Variants in EIF2B5 observed in about 807,000 individuals in gnomAD.
The protein encoded by EIF2B5 is eukaryotic translation initiation factor 2B subunit epsilon.
Under a neutral mutation model 87.3 loss-of-function variants are expected in EIF2B5, and 38 were observed. That is an observed-to-expected ratio of 0.44 (90% CI 0.34 to 0.57). The LOEUF (loss-of-function observed/expected upper bound fraction) is 0.57, where lower values mean the gene tolerates loss of function less well. Ranked by LOEUF, EIF2B5 falls within the 20% of genes least tolerant of loss-of-function variation. EIF2B5 has a pLI of 0.02. For synonymous variants in EIF2B5, 313 were observed against 339.6 expected, an observed-to-expected ratio of 0.92 and a Z score of 0.86; for missense variants, 784 against 909.5, an observed-to-expected ratio of 0.86 and a Z score of 1.78.
At chr3:184,139,724 GTACT>G (rs941496847) in intron 5 of EIF2B5, among the ~76,000 whole-genome samples, 15 of 151,168 alleles carry the variant, frequency 9.9e-5, no homozygotes, top group African/African-American at 3.4e-4. Flanking sequence ...CTAGAGAATA[GTACT>G]TAATCCTGGC....
At chr3:184,143,379 T>C in intron 12 of EIF2B5, 63 bp from the exon 13 acceptor site, 1 of 1,613,540 alleles carries the variant, frequency 6.2e-7, no homozygotes, top group Non-Finnish European at 8.5e-7. Context: ...TCTATCAAAG[T>C]CATAGTTCTA....
At chr3:184,136,763 T>A (rs371931237) in intron 2 of EIF2B5, 27 bp downstream of exon 2, 2 of 1,614,136 alleles carry the variant, frequency 1.2e-6, no homozygotes, top group Non-Finnish European at 8.5e-7. Context: ...TTTCTTTCCA[T>A]GTTTCGCCAT....
Position 184,144,953 on chromosome 3 carries a change from G to T in EIF2B5, c.*10G>T. On this transcript the variant is annotated 3_prime_UTR_variant, in exon 16 of 16. Transcript: ENST00000648915. ...ATCTGAAGATGACTGAAGTCACACTGCCTGCTCCTTTGGGTGTGATTGAGT... is the reference window on the plus strand; with the variant it reads ...ATCTGAAGATGACTGAAGTCACACTTCCTGCTCCTTTGGGTGTGATTGAGT... 1 of 1,613,032 alleles carries T rather than the reference G, an allele frequency of 6.2e-7. No homozygotes were observed. Among genetic ancestry groups the T allele is most frequent in the Non-Finnish European group, 8.5e-7 (1 of 1,179,760 alleles).
rs574848520 is a variant in EIF2B5, at chr3:184,143,154, C to G, written c.1745+12C>G. The G allele has an allele frequency of 6.8e-6, 11 of 1,611,662 alleles. No individual in the cohort carries two copies. The highest frequency in any genetic ancestry group is 4.0e-5 in the African/African-American group (3 of 75,014). ...ATCAACTCTCTCAAGTAAGAGCAGCCCCTCCCTGTTCTCCTCGGGGTGATC... is the reference window on the plus strand; with the variant it reads ...ATCAACTCTCTCAAGTAAGAGCAGCGCCTCCCTGTTCTCCTCGGGGTGATC... On this transcript the variant is annotated intron_variant, in intron 12 of 15. Coordinates refer to ENST00000648915, the MANE Select transcript of EIF2B5 (RefSeq NM_003907.3).
intron 1 of EIF2B5, 90 bp downstream of exon 1, chr3:184,135,670 C>G (rs1713318197): frequency 2.0e-6 from 3 of 1,485,692 alleles, no homozygotes; most frequent in Non-Finnish European, 2.8e-6. Flanking sequence ...ACAGCATGCC[C>G]TTGAAGGACC....
At position 184,138,181 on chromosome 3, in the gene EIF2B5, A is replaced by G. The variant is rs760749378; in HGVS notation, c.700A>G (p.Ser234Gly). ...FAFPLSLFQGSSDGVEVRYDL... is the reference protein window; with the variant it reads ...FAFPLSLFQGGSDGVEVRYDL... ...CTCCCCACAGAGCCTGTTTCAGGGC[A>G]GTAGTGATGGAGTGGAGGTTCGATA... The change falls in exon 5 of 16, where the codon AGT (serine) becomes GGT (glycine). Residue 234 changes from serine to glycine, a missense_variant. Physicochemically the swap from Ser to Gly is moderately conservative, Grantham distance 56. Around this residue, in one of 3 missense-constraint regions of EIF2B5, gnomAD observed 660 missense variants for 789.5 expected, o/e 0.84. Coordinates refer to ENST00000648915, the MANE Select transcript of EIF2B5 (RefSeq NM_003907.3). 2.7e-5 allele frequency: 43 copies of G among 1,614,036 alleles called. No individual in the cohort carries two copies. The highest frequency in any genetic ancestry group is 8.5e-7 in the Non-Finnish European group (1 of 1,180,042).
In EIF2B5 at chr3:184,141,935, G is replaced by A. The variant is rs112278360; in HGVS notation, c.1167G>A (p.Val389=). ...CCCATCCTGAGCCAGGTGATAACGT[G>A]GTGCTGGACCAGACCTACCTGTGGC... ...IGPGCHIGDN[V]VLDQTYLWQG... Residue 389 remains valine (V), a synonymous_variant, in exon 8 of 16, where the codon GTG becomes GTA. Transcript: ENST00000648915. 173 of 1,614,066 alleles carry A rather than the reference G, an allele frequency of 1.1e-4. 1 individual carries two copies. The African/African-American group carries it at 2.1e-3, about 19-fold the overall frequency.
intron 6 of EIF2B5, 77 bp downstream of exon 6, chr3:184,140,234 CT>C: frequency 6.6e-7 from 1 of 1,509,868 alleles, no homozygotes; most frequent in Non-Finnish European, 9.2e-7. Context: ...AACTTTTGAT[CT>C]TTTTTGTATT....
At position 184,143,464 on chromosome 3, in the gene EIF2B5, AAGG is replaced by A. The variant is rs1281312572; in HGVS notation, c.1772_1774del (p.Glu591del). On this transcript the variant is annotated inframe_deletion, in exon 13 of 16. Coordinates refer to ENST00000648915, the MANE Select transcript of EIF2B5 (RefSeq NM_003907.3). Reference sequence around the variant, plus strand: ...CAGGTATGCCTATAACATAAGTCTAAAGGAGGTGATGCAGGTACTGAGCCACGT... The same window carrying A: ...CAGGTATGCCTATAACATAAGTCTAAAGGTGATGCAGGTACTGAGCCACGT... The A allele has an allele frequency of 2.5e-6, 4 of 1,614,108 alleles. No individual in the cohort carries two copies. Among genetic ancestry groups the A allele is most frequent in the Non-Finnish European group, 2.5e-6 (3 of 1,180,008 alleles).
At chr3:184,144,453 ACCTGC>A in intron 14 of EIF2B5, 139 bp from the exon 15 acceptor site, 1 of 1,037,846 alleles carries the variant, frequency 9.6e-7, no homozygotes, top group Non-Finnish European at 1.5e-6. Context: ...CAGAAGTTAG[ACCTGC>A]CCCAGGAGCA....
At position 184,145,021 on chromosome 3, in the gene EIF2B5, C is replaced by A; in HGVS notation, c.*78C>A. ...GCTGGGACAAGTGAGGAACTAGCTGCAGAGGGATGAGTGACCACCATCCAG... is the reference window on the plus strand; with the variant it reads ...GCTGGGACAAGTGAGGAACTAGCTGAAGAGGGATGAGTGACCACCATCCAG... On this transcript the variant is annotated 3_prime_UTR_variant, in exon 16 of 16. Coordinates refer to ENST00000648915, the MANE Select transcript of EIF2B5 (RefSeq NM_003907.3). This position sits in a 1 kb window ranked among gnomAD's most constrained non-coding sequence, Gnocchi z 4.0. The A allele has an allele frequency of 2.2e-6, 3 of 1,351,534 alleles. No homozygotes were observed. The highest frequency in any genetic ancestry group is 1.4e-5 in the African/African-American group (1 of 70,122). The allele number at this position is 1,351,534 out of a possible 1,614,324, so 83.7% of individuals were successfully genotyped here.
rs1196978595 is a variant in EIF2B5 at position 184,139,270 on chromosome 3, A to ATTTTT, written c.766-786_766-782dup. On this transcript the variant is annotated intron_variant, in intron 5 of 15. Coordinates refer to ENST00000648915, the MANE Select transcript of EIF2B5 (RefSeq NM_003907.3). ...ACAGGTGTGAGCCTCTGCACCCAGC[A>ATTTTT]TTTTTTTTTTTTTTTTTTTTTTTTT... 4.2e-4 allele frequency among the ~76,000 whole-genome samples: 20 copies of ATTTTT among 48,020 alleles called. 1 individual carries two copies. Among genetic ancestry groups the ATTTTT allele is most frequent in the East Asian group, 3.4e-3 (4 of 1,194 alleles). 31.5% of individuals were successfully genotyped at this position (48,020 alleles called of 152,430 possible).
intron 7 of EIF2B5, among the ~76,000 whole-genome samples, chr3:184,141,461 C>T (rs997459514): frequency 1.3e-5 from 2 of 151,994 alleles, no homozygotes; most frequent in Non-Finnish European, 2.9e-5. Flanking sequence ...CTCAGCTATT[C>T]GGGAGGCTGA....
chr3:184,143,715 G>C (rs1713742124), intron 13 of EIF2B5, 150 bp downstream of exon 13: 21 of 1,172,888 alleles, frequency 1.8e-5, no homozygotes, highest in Non-Finnish European at 2.4e-5. Flanking sequence ...GCCTTGGCTG[G>C]TTCAGAGGGG....
chr3:184,145,010 G>A lies in EIF2B5; in HGVS notation c.*67G>A. The stretch of plus-strand genomic sequence containing the variant: ...CTGGCTCCTGGGCTGGGACAAGTGA[G>A]GAACTAGCTGCAGAGGGATGAGTGA... On this transcript the variant is annotated 3_prime_UTR_variant, in exon 16 of 16. Coordinates refer to ENST00000648915, the MANE Select transcript of EIF2B5 (RefSeq NM_003907.3). The surrounding 1 kb of genome is among the most constrained non-coding windows in gnomAD (Gnocchi z 4.0). The A allele has an allele frequency of 1.4e-6, 2 of 1,457,516 alleles. No homozygotes were observed. Among genetic ancestry groups the A allele is most frequent in the Non-Finnish European group, 1.9e-6 (2 of 1,043,826 alleles). The allele number at this position is 1,457,516 out of a possible 1,614,324, so 90.3% of individuals were successfully genotyped here.
intron 5 of EIF2B5, 59 bp from the exon 6 acceptor site, chr3:184,140,020 TC>T: frequency 8.5e-7 from 1 of 1,180,460 alleles, no homozygotes; most frequent in Non-Finnish European, 1.2e-6. Context: ...TAGACTTGTC[TC>T]AAAAAAAAAA....
intron 1 of EIF2B5, among the ~76,000 whole-genome samples, 166 bp from the exon 2 acceptor site, chr3:184,136,446 A>G (rs1230952246): frequency 6.6e-6 from 1 of 152,274 alleles, no homozygotes; most frequent in African/African-American, 2.4e-5. Flanking sequence ...ACTCAGGCTT[A>G]GAGCATGGCA....
chr3:184,144,726 C>T lies in EIF2B5; in HGVS notation c.2106+19C>T. 6.2e-7 allele frequency: 1 copy of T among 1,608,534 alleles called. No individual in the cohort carries two copies. Among genetic ancestry groups the T allele is most frequent in the Non-Finnish European group, 8.5e-7 (1 of 1,176,880 alleles). The stretch of plus-strand genomic sequence containing the variant: ...TCAACAGGTGCGTCAGGCTGTCCTC[C>T]TCTCGCCAAGATGGTTATCTCATTC... On this transcript the variant is annotated intron_variant, in intron 15 of 15. Coordinates refer to ENST00000648915, the MANE Select transcript of EIF2B5 (RefSeq NM_003907.3).
chr3:184,135,925 A>T, intron 1 of EIF2B5: 1 of 359,230 alleles, frequency 2.8e-6, no homozygotes, highest in Non-Finnish European at 5.1e-6. Context: ...AGGTGAAAAG[A>T]AACGACCTTT....
Sources: allele counts gnomAD v4.1 joint callset (sites outside exome capture counted in the v4.1 genomes callset), GRCh38; gene constraint gnomAD v4.1.1; regional missense constraint gnomAD v4.1.1; non-coding constraint Gnocchi (gnomAD v3.1); transcripts MANE v1.5; gene names NCBI Gene and HGNC (gene_info 2026-07-23, HGNC 2026-07-21).